The following STXBP4 variants were observed in gnomAD, a reference collection of about 807,000 sequenced individuals.
The protein encoded by STXBP4 is syntaxin-binding protein 4.
STXBP4 carries 55 observed loss-of-function variants against 76.1 expected under a neutral mutation model. The observed-to-expected ratio is 0.72, with a 90% CI of 0.58 to 0.91. STXBP4 has a LOEUF of 0.91. STXBP4 is among the 40% of genes least tolerant of loss of function. STXBP4 has a pLI of 0.00. For synonymous variants in STXBP4, 201 were observed against 220.2 expected (o/e 0.91, Z 0.77); for missense variants, 618 against 636.9 (o/e 0.97, Z 0.32).
chr17:55,101,804 CTT>C (rs2079569606), intron 16 of STXBP4, among the ~76,000 whole-genome samples: 1 of 152,210 alleles, frequency 6.6e-6, no homozygotes, highest in East Asian at 1.9e-4. Flanking sequence ...TCATAGTTCT[CTT>C]TATTTTTTCT....
At chr17:55,199,246 A>C in the STXBP4 span, among the ~76,000 whole-genome samples, 1 of 152,212 alleles carries the variant, frequency 6.6e-6, no homozygotes, top group East Asian at 1.9e-4. Flanking sequence ...TCTGCCCAGA[A>C]CAAAAATTTT....
chr17:55,107,913 G>A (rs1018062346), intron 16 of STXBP4, among the ~76,000 whole-genome samples: 1 of 152,216 alleles, frequency 6.6e-6, no homozygotes, highest in Non-Finnish European at 1.5e-5. Context: ...TCCGCTTGAG[G>A]ATGCAGTATG....
At chr17:55,063,008 A>T (rs1338909332) in intron 12 of STXBP4, among the ~76,000 whole-genome samples, 2 of 152,142 alleles carry the variant, frequency 1.3e-5, no homozygotes, top group Non-Finnish European at 2.9e-5. Context: ...GATTTTTTTT[A>T]CATTAATTCC....
the STXBP4 span, among the ~76,000 whole-genome samples, chr17:55,210,018 G>C: frequency 6.6e-6 from 1 of 152,278 alleles, no homozygotes; most frequent in South Asian, 2.1e-4. Flanking sequence ...ACACACATGT[G>C]CATGTGTGCA....
At chr17:55,070,202 T>A (rs542996531) in intron 12 of STXBP4, among the ~76,000 whole-genome samples, 1 of 152,236 alleles carries the variant, frequency 6.6e-6, no homozygotes, top group Non-Finnish European at 1.5e-5. Flanking sequence ...TACTTAACTT[T>A]CCTGTGCATC....
chr17:55,107,664 ACAGT>A (rs1204648942), intron 16 of STXBP4, among the ~76,000 whole-genome samples: 2 of 152,074 alleles, frequency 1.3e-5, no homozygotes, highest in Non-Finnish European at 2.9e-5. Context: ...TTTCCTTCTA[ACAGT>A]CAGGCCCCTG....
the STXBP4 span, among the ~76,000 whole-genome samples, chr17:55,185,671 A>C: frequency 4.6e-5 from 7 of 152,206 alleles, no homozygotes; most frequent in African/African-American, 1.7e-4. Context: ...GAGAGAGCAG[A>C]TGAGTACTGG....
intron 12 of STXBP4, among the ~76,000 whole-genome samples, chr17:55,063,997 C>T (rs557042938): frequency 1.3e-5 from 2 of 152,136 alleles, no homozygotes; most frequent in Admixed American, 6.6e-5. Flanking sequence ...TACTATAAAA[C>T]TCTTATCTTG....
intron 4 of STXBP4, chr17:54,991,817 T>G (rs1028313187): frequency 2.6e-5 from 4 of 151,058 alleles, no homozygotes; most frequent in African/African-American, 9.7e-5. Flanking sequence ...ATTATATTAA[T>G]AATTAAGAAT....
intron 17 of STXBP4, among the ~76,000 whole-genome samples, chr17:55,156,584 C>G (rs2145188656): frequency 6.6e-6 from 1 of 152,302 alleles, no homozygotes; most frequent in African/African-American, 2.4e-5. Flanking sequence ...GTTTCAGAAG[C>G]ACTGTGTCCC....
intron 8 of STXBP4, among the ~76,000 whole-genome samples, chr17:55,015,406 T>C (rs554200814): frequency 1.3e-5 from 2 of 152,318 alleles, no homozygotes; most frequent in East Asian, 3.9e-4. Context: ...ATACCAGAGA[T>C]TGCCAAACTC....
intron 16 of STXBP4, among the ~76,000 whole-genome samples, chr17:55,119,563 C>T (rs978156751): frequency 3.3e-5 from 5 of 151,920 alleles, no homozygotes; most frequent in Non-Finnish European, 7.4e-5. Flanking sequence ...ACTAGAAGAA[C>T]AATACAGAAC....
chr17:55,126,169 A>C (rs2079910121), intron 16 of STXBP4, among the ~76,000 whole-genome samples: 1 of 152,210 alleles, frequency 6.6e-6, no homozygotes, highest in Non-Finnish European at 1.5e-5. Flanking sequence ...TAATGTTTAT[A>C]ATTTCCAGAA....
intron 16 of STXBP4, among the ~76,000 whole-genome samples, chr17:55,120,277 A>G (rs2079828848): frequency 6.6e-6 from 1 of 152,198 alleles, no homozygotes; most frequent in South Asian, 2.1e-4. Flanking sequence ...AAAATTCCAT[A>G]TTTAATAGTC....
chr17:55,123,643 G>C (rs2079872013), intron 16 of STXBP4, among the ~76,000 whole-genome samples: 1 of 152,170 alleles, frequency 6.6e-6, no homozygotes, highest in African/African-American at 2.4e-5. Flanking sequence ...GCTCATGCCT[G>C]TAATCCCAGC....
intron 16 of STXBP4, among the ~76,000 whole-genome samples, chr17:55,095,369 GC>G (rs2079471642): frequency 6.6e-6 from 1 of 152,106 alleles, no homozygotes; most frequent in Non-Finnish European, 1.5e-5. Flanking sequence ...TGTAAATGAT[GC>G]CAGAAAGAAA....
At position 55,170,205 on chromosome 17, in the gene STXBP4, C is replaced by T. The variant is rs1446439651; in HGVS notation, c.*10294C>T. 6.6e-6 allele frequency: 1 copy of T among 152,064 alleles called. No homozygotes were observed. The highest frequency in any genetic ancestry group is 1.5e-5 in the Non-Finnish European group (1 of 67,998). 9.4% of individuals were successfully genotyped at this position (152,064 alleles called of 1,614,324 possible). ...AAGTTTAGACCAAAATAAAAAAATGCTTAAAAGGCTTATTAAAGCATGATT... is the reference window on the plus strand; with the variant it reads ...AAGTTTAGACCAAAATAAAAAAATGTTTAAAAGGCTTATTAAAGCATGATT... On this transcript the variant is annotated 3_prime_UTR_variant, in exon 18 of 18. Transcript: ENST00000376352.
At chr17:54,972,646 T>C (rs2077417145) in intron 1 of STXBP4, among the ~76,000 whole-genome samples, 1 of 152,226 alleles carries the variant, frequency 6.6e-6, no homozygotes, top group Admixed American at 6.5e-5. Flanking sequence ...TTTCCTGACC[T>C]GCCTTGGAAT....
chr17:55,111,896 G>C (rs1421264361), intron 16 of STXBP4, among the ~76,000 whole-genome samples: 5 of 38,696 alleles, frequency 1.3e-4, no homozygotes, highest in Non-Finnish European at 9.9e-5. Flanking sequence ...TTTATTCAGG[G>C]TTTGTTTGTT....
Sources: gnomAD v4.1 joint callset for allele counts (sites outside exome capture counted in the v4.1 genomes callset) on GRCh38, gnomAD v4.1.1 for gene constraint, MANE v1.5 for transcripts, NCBI Gene and HGNC (gene_info 2026-07-23, HGNC 2026-07-21) for gene names.